The following SPPL2A variants were observed in gnomAD, a reference collection of about 807,000 sequenced individuals.
SPPL2A encodes signal peptide peptidase-like 2A.
A neutral mutation model predicts 63.8 loss-of-function variants in SPPL2A; 51 were observed. The ratio of observed to expected loss-of-function variants is 0.80; its 90% CI spans 0.64 to 1.01. The LOEUF (loss-of-function observed/expected upper bound fraction) is 1.01, where lower values mean the gene tolerates loss of function less well. Among genes scored for constraint, SPPL2A ranks in the 50% least tolerant of loss-of-function variants. SPPL2A has a pLI of 0.00. For synonymous variants in SPPL2A, 188 were observed against 205.8 expected, an observed-to-expected ratio of 0.91 and a Z score of 0.74; for missense variants, 553 against 622.7, an observed-to-expected ratio of 0.89 and a Z score of 1.19.
chr15:50,714,015 C>A (rs994412152), intron 14 of SPPL2A, among the ~76,000 whole-genome samples: 2 of 152,122 alleles, frequency 1.3e-5, no homozygotes, highest in African/African-American at 4.8e-5. Flanking sequence ...GGCTACACAG[C>A]TAATAATTAA....
At chr15:50,759,691 C>A (rs1017766193) in intron 1 of SPPL2A, among the ~76,000 whole-genome samples, 1 of 151,232 alleles carries the variant, frequency 6.6e-6, no homozygotes, top group South Asian at 2.1e-4. Flanking sequence ...TGCAGTGAGC[C>A]GAGATTGCGC....
intron 8 of SPPL2A, among the ~76,000 whole-genome samples, chr15:50,734,937 A>G (rs989470450): frequency 6.6e-6 from 1 of 151,576 alleles, no homozygotes; most frequent in Admixed American, 6.6e-5. Flanking sequence ...ACGGAGTTGC[A>G]CTCTTATTCC....
At chr15:50,749,610 A>G (rs2062890405) in intron 2 of SPPL2A, 26 bp downstream of exon 2, 1 of 1,382,912 alleles carries the variant, frequency 7.2e-7, no homozygotes, top group South Asian at 1.2e-5. Flanking sequence ...TTTTATGTTT[A>G]TGAATAGTAA....
At chr15:50,735,763 G>A (rs1250220776) in intron 8 of SPPL2A, among the ~76,000 whole-genome samples, 1 of 152,052 alleles carries the variant, frequency 6.6e-6, no homozygotes, top group African/African-American at 2.4e-5. Context: ...TTTTAGTAGA[G>A]ACGGGGTTTC....
chr15:50,747,679 T>G (rs754943121), intron 4 of SPPL2A, 51 bp from the exon 5 acceptor site: 1 of 1,363,094 alleles, frequency 7.3e-7, no homozygotes, highest in Non-Finnish European at 1.0e-6. Flanking sequence ...CTTTCTACTA[T>G]AGTCATAACA....
At chr15:50,709,982 C>T (rs1357521312) in intron 14 of SPPL2A, among the ~76,000 whole-genome samples, 1 of 151,546 alleles carries the variant, frequency 6.6e-6, no homozygotes, top group Non-Finnish European at 1.5e-5. Flanking sequence ...CAGTTCACTA[C>T]ATGAAACATA....
At chr15:50,713,479 A>G (rs925382918) in intron 14 of SPPL2A, among the ~76,000 whole-genome samples, 2 of 151,762 alleles carry the variant, frequency 1.3e-5, no homozygotes, top group Admixed American at 1.3e-4. Context: ...TGGTCAGACT[A>G]GTCTCGAACT....
At chr15:50,736,771 G>C (rs771974893) in intron 6 of SPPL2A, 31 bp from the exon 7 acceptor site, 8 of 1,061,158 alleles carry the variant, frequency 7.5e-6, no homozygotes, top group Non-Finnish European at 1.2e-5. Flanking sequence ...AATTACATGA[G>C]AACAGAAGGA....
At chr15:50,725,555 C>T in intron 11 of SPPL2A, 1 of 322,770 alleles carries the variant, frequency 3.1e-6, no homozygotes, top group Non-Finnish European at 5.7e-6. Context: ...CTCAGCCTCC[C>T]AAGTAGCTGG....
intron 7 of SPPL2A, 79 bp from the exon 8 acceptor site, chr15:50,736,281 C>T (rs2062770751): frequency 2.3e-6 from 2 of 851,786 alleles, no homozygotes; most frequent in African/African-American, 1.7e-5. Context: ...AAATATTAAC[C>T]ACAGTCATAA....
At chr15:50,708,353 TATA>T (rs1173531853) in intron 14 of SPPL2A, among the ~76,000 whole-genome samples, 1 of 152,110 alleles carries the variant, frequency 6.6e-6, no homozygotes, top group East Asian at 1.9e-4. Context: ...TTGGAAACAT[TATA>T]ATAATTTCTA....
chr15:50,746,229 A>G (rs1052865964), intron 5 of SPPL2A, among the ~76,000 whole-genome samples: 5 of 151,856 alleles, frequency 3.3e-5, no homozygotes, highest in African/African-American at 1.2e-4. Context: ...CAAAAGGTCA[A>G]GAGATCAAGA....
intron 12 of SPPL2A, among the ~76,000 whole-genome samples, chr15:50,722,735 A>G (rs1174461433): frequency 1.3e-5 from 2 of 152,204 alleles, no homozygotes; most frequent in African/African-American, 4.8e-5. Context: ...GATTACAGGC[A>G]TGAGCCACCA....
In SPPL2A at chr15:50,736,132, C is replaced by A. The variant is rs1434773591; in HGVS notation, c.901G>T (p.Val301Phe). The part of the protein sequence containing the change: ...FLSGLCIAVA[V>F]VWAVFRNEDR... ...TCATTTCGAAACACAGCCCAAACAA[C>A]AGCTACTGCTATGCACAGTCCAGAG... Residue 301 changes from valine (V) to phenylalanine (F), a missense_variant, in exon 8 of 15, where the codon GTT becomes TTT. Val to Phe is a conservative substitution (Grantham distance 50). Transcript: ENST00000261854. 7 of 1,612,344 alleles carry A rather than the reference C, an allele frequency of 4.3e-6. No individual in the cohort carries two copies. In the African/African-American group the frequency reaches 9.3e-5, roughly 22 times the overall value.
intron 12 of SPPL2A, 136 bp downstream of exon 12, chr15:50,725,085 G>T: frequency 1.5e-6 from 1 of 654,850 alleles, no homozygotes; most frequent in South Asian, 1.8e-5. Flanking sequence ...AAGCTTTTTT[G>T]TTATGACAAT....
Position 50,736,165 on chromosome 15 carries a change from T to C in SPPL2A, c.868A>G (p.Ile290Val), listed in dbSNP as rs2062769809. 6.2e-7 allele frequency: 1 copy of C among 1,613,238 alleles called. No individual in the cohort carries two copies. The highest frequency in any genetic ancestry group is 8.5e-7 in the Non-Finnish European group (1 of 1,179,604). ...CRGKNMEVRL[I>V]FLSGLCIAVA... ...GCTATGCACAGTCCAGAGAGAAAAA[T>C]AAGTCTCACTTCCATGTTTTTGCCA... Residue 290 changes from isoleucine to valine, a missense_variant, in exon 8 of 15, where the codon ATT becomes GTT. By Grantham distance (29) the Ile-to-Val change is conservative. Transcript: ENST00000261854.
chr15:50,712,618 C>G (rs2062567512), intron 14 of SPPL2A, among the ~76,000 whole-genome samples: 1 of 151,622 alleles, frequency 6.6e-6, no homozygotes, highest in South Asian at 2.1e-4. Flanking sequence ...GCTAACCCAC[C>G]ACTATGGATT....
chr15:50,739,335 C>T (rs1027586382), intron 6 of SPPL2A, among the ~76,000 whole-genome samples: 1 of 151,960 alleles, frequency 6.6e-6, no homozygotes, highest in African/African-American at 2.4e-5. Context: ...CGTGCCACCA[C>T]ACCCAGCTAA....
chr15:50,715,769 A>G (rs1213579597), intron 14 of SPPL2A, among the ~76,000 whole-genome samples: 1 of 152,206 alleles, frequency 6.6e-6, no homozygotes, highest in African/African-American at 2.4e-5. Flanking sequence ...AAATTTTAGT[A>G]AATTAACTAC....
Sources: allele counts gnomAD v4.1 joint callset (sites outside exome capture counted in the v4.1 genomes callset), GRCh38; gene constraint gnomAD v4.1.1; transcripts MANE v1.5; gene names NCBI Gene and HGNC (gene_info 2026-07-23, HGNC 2026-07-21).